The following XPO7 variants were observed in gnomAD, a reference collection of about 807,000 sequenced individuals.
The protein encoded by XPO7 is exportin-7.
A neutral mutation model predicts 144.3 loss-of-function variants in XPO7; 21 were observed. The ratio of observed to expected loss-of-function variants is 0.15; its 90% CI spans 0.10 to 0.21. The LOEUF is 0.21. XPO7 is among the 10% of genes least tolerant of loss of function. The pLI is 1.00. For synonymous variants in XPO7, 580 were observed against 499.6 expected, an observed-to-expected ratio of 1.16 and a Z score of -2.15; for missense variants, 808 against 1,325.8, an observed-to-expected ratio of 0.61 and a Z score of 6.06.
rs1304089370 is a variant in XPO7 at position 22,006,252 on chromosome 8, TAATA to T, written c.*1168_*1171del. On this transcript the variant is annotated 3_prime_UTR_variant, in exon 28 of 28. Transcript: ENST00000252512. Reference sequence around the variant, plus strand: ...ATACATTTTTATAAAATGAAAACCATAATAAATGTTTTGAATATTAAAAAAAATA... The same window carrying T: ...ATACATTTTTATAAAATGAAAACCATAATGTTTTGAATATTAAAAAAAATA... 6.6e-6 allele frequency: 1 copy of T among 152,120 alleles called. No homozygotes were observed. The highest frequency in any genetic ancestry group is 1.5e-5 in the Non-Finnish European group (1 of 68,014). 9.4% of individuals were successfully genotyped at this position (152,120 alleles called of 1,614,324 possible). A position where few individuals can be genotyped will look rare whatever the true frequency, so the allele number is the denominator to read the frequency against.
intron 11 of XPO7, among the ~76,000 whole-genome samples, chr8:21,984,243 A>G (rs766973832): frequency 5.3e-5 from 8 of 152,138 alleles, no homozygotes; most frequent in Admixed American, 1.3e-4. Flanking sequence ...AACAGTTCTG[A>G]ATTCCAAGAC....
chr8:21,992,093 C>A, intron 19 of XPO7, 119 bp downstream of exon 19: 1 of 658,728 alleles, frequency 1.5e-6, no homozygotes, highest in South Asian at 2.6e-5. Flanking sequence ...TCTTGGACTT[C>A]TAGGGTTTTG....
intron 1 of XPO7, among the ~76,000 whole-genome samples, chr8:21,963,648 T>A (rs1811795718): frequency 6.7e-6 from 1 of 149,264 alleles, no homozygotes; most frequent in Non-Finnish European, 1.5e-5. Flanking sequence ...TGAGCCGAGA[T>A]CACATCACTG....
chr8:22,003,181 A>AT, intron 25 of XPO7, 38 bp from the exon 26 acceptor site: 1 of 1,535,910 alleles, frequency 6.5e-7, no homozygotes, highest in Non-Finnish European at 8.9e-7. Flanking sequence ...GTAGCAATAC[A>AT]TTAGGTCACT....
In XPO7 at chr8:22,005,040, A is replaced by G. The variant is rs1058486; in HGVS notation, c.3216A>G (p.Ser1072=). ...LSAFRREVND[S]MKNSTYGVNS... ...CATTCCGTCGAGAAGTCAACGACTC[A>G]ATGAAGAATTCCACTTATGGCGTGA... Residue 1072 remains serine (S), a synonymous_variant, in exon 28 of 28, where the codon TCA becomes TCG. Coordinates refer to ENST00000252512, the MANE Select transcript of XPO7 (RefSeq NM_015024.5). The G allele has an allele frequency of 0.55, 884,547 of 1,610,746 alleles. 246,041 individuals are homozygous for G. The highest frequency in any genetic ancestry group is 0.74 in the African/African-American group (54,857 of 74,566).
At position 21,976,412 on chromosome 8, in the gene XPO7, A is replaced by G. The variant is rs368637216; in HGVS notation, c.654A>G (p.Gln218=). The G allele has an allele frequency of 2.9e-5, 47 of 1,613,874 alleles. No individual in the cohort carries two copies. The highest frequency in any genetic ancestry group is 3.7e-5 in the Non-Finnish European group (44 of 1,179,894). Residue 218 remains glutamine (Q), a synonymous_variant, in exon 7 of 28, where the codon CAA becomes CAG. Transcript: ENST00000252512. ...AAAGTCAGCATGGCTTGCTCATGCA[A>G]CTGCTCAAGCTCACTCATAACTGCC... ...NDESQHGLLM[Q]LLKLTHNCLN...
chr8:21,949,363 C>T, intron 1 of XPO7, among the ~76,000 whole-genome samples: 1 of 152,180 alleles, frequency 6.6e-6, no homozygotes, highest in East Asian at 1.9e-4. Context: ...GAGGCAGTTG[C>T]CCATATAGCT....
intron 1 of XPO7, among the ~76,000 whole-genome samples, chr8:21,924,133 C>T (rs1244389182): frequency 6.6e-6 from 1 of 152,126 alleles, no homozygotes; most frequent in Non-Finnish European, 1.5e-5. Flanking sequence ...CTGGTCAGGC[C>T]TCAGTTCCTC....
chr8:21,988,959 A>G (rs375350870), intron 15 of XPO7, 44 bp from the exon 16 acceptor site: 1 of 1,586,294 alleles, frequency 6.3e-7, no homozygotes, highest in Non-Finnish European at 8.6e-7. Context: ...GAAACCAGCA[A>G]ATCAAAAGGG....
chr8:22,001,463 C>G (rs140018474), intron 24 of XPO7, among the ~76,000 whole-genome samples: 2 of 152,178 alleles, frequency 1.3e-5, no homozygotes, highest in African/African-American at 4.8e-5. Context: ...TTGTGCTGTA[C>G]TGTTCCCTTT....
At chr8:21,955,458 T>G (rs911550330) in intron 1 of XPO7, among the ~76,000 whole-genome samples, 1 of 152,246 alleles carries the variant, frequency 6.6e-6, no homozygotes, top group African/African-American at 2.4e-5. Context: ...AGGTGAAATC[T>G]TAAATGAGAA....
At position 21,959,163 on chromosome 8, in the gene XPO7, G is replaced by A. The variant is rs544014586; in HGVS notation, c.19-7694G>A. ...ACAAAACAGAATCTGCGAATAACGA[G>A]GATCAATTATATATTTGATCCCTGA... On this transcript the variant is annotated intron_variant, in intron 1 of 27. Transcript: ENST00000252512. Among the ~76,000 whole-genome samples, 4 of 152,188 alleles carry A rather than the reference G, an allele frequency of 2.6e-5. No individual in the cohort carries two copies. The South Asian group carries it at 8.3e-4, about 32-fold the overall frequency.
At chr8:21,979,640 C>T (rs1812339020) in intron 8 of XPO7, among the ~76,000 whole-genome samples, 1 of 151,756 alleles carries the variant, frequency 6.6e-6, no homozygotes, top group Non-Finnish European at 1.5e-5. Context: ...AATTCCTGAC[C>T]TCGTGATCTG....
chr8:21,966,844 T>G lies in XPO7; in HGVS notation c.19-13T>G. On this transcript the variant is annotated splice_polypyrimidine_tract_variant and intron_variant, in intron 1 of 27. Coordinates refer to ENST00000252512, the MANE Select transcript of XPO7 (RefSeq NM_015024.5). ...AGGCTGAACTGTTTTCTTTCCTGACTGATCTTTTCCAGAGCCTGGCCCAAC... is the reference window on the plus strand; with the variant it reads ...AGGCTGAACTGTTTTCTTTCCTGACGGATCTTTTCCAGAGCCTGGCCCAAC... 1.2e-6 allele frequency: 2 copies of G among 1,608,036 alleles called. No homozygotes were observed. Among genetic ancestry groups the G allele is most frequent in the Non-Finnish European group, 1.7e-6 (2 of 1,176,364 alleles).
At chr8:21,951,113 A>C (rs1379635604) in intron 1 of XPO7, among the ~76,000 whole-genome samples, 1 of 152,118 alleles carries the variant, frequency 6.6e-6, no homozygotes, top group Non-Finnish European at 1.5e-5. Flanking sequence ...TTAATTAATT[A>C]ATTAAGGAAG....
chr8:21,955,381 T>C (rs1452248317), intron 1 of XPO7, among the ~76,000 whole-genome samples: 2 of 152,192 alleles, frequency 1.3e-5, no homozygotes, highest in East Asian at 1.9e-4. Context: ...AGAAAAACTT[T>C]CCAAATTTAA....
chr8:21,989,323 C>G (rs1276260229), intron 16 of XPO7, among the ~76,000 whole-genome samples: 1 of 152,216 alleles, frequency 6.6e-6, no homozygotes, highest in Non-Finnish European at 1.5e-5. Flanking sequence ...CTGTCTATTC[C>G]TAAGTTCCAG....
At chr8:21,994,044 A>G (rs1050372747) in intron 19 of XPO7, among the ~76,000 whole-genome samples, 2 of 149,480 alleles carry the variant, frequency 1.3e-5, no homozygotes, top group African/African-American at 2.5e-5. Context: ...TATTACTTCA[A>G]TGTCTTAAAA....
At chr8:21,970,719 T>G (rs1022229314) in intron 4 of XPO7, among the ~76,000 whole-genome samples, 3 of 152,208 alleles carry the variant, frequency 2.0e-5, no homozygotes, top group African/African-American at 7.2e-5. Flanking sequence ...CTCAAAAAAG[T>G]TATACAGCTT....
Sources: allele counts gnomAD v4.1 joint callset (sites outside exome capture counted in the v4.1 genomes callset), GRCh38; gene constraint gnomAD v4.1.1; transcripts MANE v1.5; gene names NCBI Gene and HGNC (gene_info 2026-07-23, HGNC 2026-07-21).